CCDC33: variants seen among roughly 807,000 people sequenced by gnomAD.
The protein encoded by CCDC33 is coiled-coil domain containing 33, also known as coiled-coil domain-containing protein 33.
Under a neutral mutation model 91.9 loss-of-function variants are expected in CCDC33, and 94 were observed. The ratio of observed to expected loss-of-function variants is 1.02; its 90% CI spans 0.87 to 1.21. The LOEUF (loss-of-function observed/expected upper bound fraction) is 1.21. CCDC33 is among the 50% of genes most tolerant of loss of function. The probability of loss-of-function intolerance (pLI) is 0.00; values close to 1 mark genes in which losing one functional copy is unlikely to be tolerated. For missense variants in CCDC33, 940 were observed against 935.5 expected (o/e 1.00, Z -0.06); for synonymous variants, 396 against 374.5 (o/e 1.06, Z -0.66).
intron 2 of CCDC33, among the ~76,000 whole-genome samples, chr15:74,261,329 C>T (rs560929216): frequency 9.2e-5 from 14 of 152,254 alleles, no homozygotes; most frequent in South Asian, 6.2e-4. Flanking sequence ...CAGTGAGGGC[C>T]GGGGGACTCC....
At chr15:74,222,851 C>A (rs960494075) in intron 2 of CCDC33, among the ~76,000 whole-genome samples, 1 of 147,404 alleles carries the variant, frequency 6.8e-6, no homozygotes, top group Non-Finnish European at 1.5e-5. Context: ...GAGCTCCAGG[C>A]CGGCGCTCTC....
intron 9 of CCDC33, among the ~76,000 whole-genome samples, chr15:74,281,441 A>G (rs1374991583): frequency 6.6e-6 from 1 of 152,268 alleles, no homozygotes; most frequent in Non-Finnish European, 1.5e-5. Flanking sequence ...TAAGTTCTCA[A>G]CAAGAATGAA....
chr15:74,234,251 C>T (rs1023669156), upstream of CCDC33, among the ~76,000 whole-genome samples: 1 of 152,192 alleles, frequency 6.6e-6, no homozygotes, highest in Non-Finnish European at 1.5e-5. Flanking sequence ...AGTGCTGTCT[C>T]CTGTGGGTAG....
At chr15:74,261,313 A>C (rs936001259) in intron 2 of CCDC33, among the ~76,000 whole-genome samples, 5 of 152,204 alleles carry the variant, frequency 3.3e-5, no homozygotes, top group Non-Finnish European at 7.3e-5. Context: ...TAAAGGGCAG[A>C]GGGAACAGTG....
chr15:74,237,311 C>G (rs2075196040), intron 1 of CCDC33, among the ~76,000 whole-genome samples: 1 of 152,230 alleles, frequency 6.6e-6, no homozygotes, highest in African/African-American at 2.4e-5. Flanking sequence ...CAGCAGGGCT[C>G]TGTCAGGAAG....
intron 6 of CCDC33, 140 bp from the exon 7 acceptor site, chr15:74,272,631 C>T (rs574296039): frequency 1.2e-5 from 13 of 1,044,056 alleles, no homozygotes; most frequent in Middle Eastern, 3.1e-4. Context: ...CCCCACTTGT[C>T]GTGAGGTCCA....
chr15:74,296,764 T>A (rs1195708596), intron 11 of CCDC33, among the ~76,000 whole-genome samples: 4 of 152,218 alleles, frequency 2.6e-5, no homozygotes, highest in Non-Finnish European at 5.9e-5. Context: ...GTGGCCAAAG[T>A]GACATCCTAA....
At chr15:74,289,931 C>G (rs2059554173) in intron 10 of CCDC33, among the ~76,000 whole-genome samples, 1 of 152,198 alleles carries the variant, frequency 6.6e-6, no homozygotes, top group African/African-American at 2.4e-5. Flanking sequence ...ACTCCCTTCC[C>G]TTGCTCTGCT....
intron 7 of CCDC33, among the ~76,000 whole-genome samples, chr15:74,276,094 A>ACTAAGCACTTCCCTGAGCACT (rs2076441998): frequency 6.6e-6 from 1 of 152,164 alleles, no homozygotes; most frequent in Admixed American, 6.5e-5. Context: ...CCCTGAGCCA[A>ACTAAGCACTTCCCTGAGCACT]TCACTAAGGA....
At chr15:74,258,716 G>A (rs866228764) in intron 2 of CCDC33, among the ~76,000 whole-genome samples, 2 of 152,112 alleles carry the variant, frequency 1.3e-5, no homozygotes, top group East Asian at 1.9e-4. Context: ...GGGGGAAAGC[G>A]GCTCATGAGC....
chr15:74,209,102 C>A, intron 1 of CCDC33: 1 of 1,308,100 alleles, frequency 7.6e-7, no homozygotes, highest in Non-Finnish European at 9.7e-7. Flanking sequence ...ACAGACCTCC[C>A]GCCCTTGATT....
intron 7 of CCDC33, among the ~76,000 whole-genome samples, chr15:74,273,695 C>T (rs1029586795): frequency 6.6e-6 from 1 of 151,920 alleles, no homozygotes; most frequent in Non-Finnish European, 1.5e-5. Context: ...TCTCGAACTC[C>T]TGACCTCAGG....
chr15:74,323,962 A>G (rs2060256675), intron 11 of CCDC33, among the ~76,000 whole-genome samples: 1 of 151,652 alleles, frequency 6.6e-6, no homozygotes, highest in Non-Finnish European at 1.5e-5. Flanking sequence ...GCATAGTGGC[A>G]GGCGCCTGTA....
chr15:74,315,092 A>G (rs900800), intron 11 of CCDC33, among the ~76,000 whole-genome samples: 86,685 of 152,120 alleles, frequency 0.57, 25,919 homozygotes, highest in Non-Finnish European at 0.67. Flanking sequence ...AGCAGGGGTA[A>G]GGGGAGCAGA....
Position 74,331,187 on chromosome 15 carries a change from C to T in CCDC33, c.1678-16C>T. The stretch of plus-strand genomic sequence containing the variant: ...GGGAGCCCCTGGGCCAGCCCAGCCT[C>T]TGCTCTGCTCTCCAGGTGATCGAGA... On this transcript the variant is annotated splice_polypyrimidine_tract_variant and intron_variant, in intron 14 of 18. Transcript: ENST00000398814. The T allele has an allele frequency of 6.2e-7, 1 of 1,614,158 alleles. No individual in the cohort carries two copies. The highest frequency in any genetic ancestry group is 8.5e-7 in the Non-Finnish European group (1 of 1,179,986).
At chr15:74,318,437 A>C in intron 11 of CCDC33, 122 of 491,158 alleles carry the variant, frequency 2.5e-4, no homozygotes, top group East Asian at 3.6e-4. Flanking sequence ...CAGCCACCCC[A>C]CCCAGACACC....
At chr15:74,208,411 T>G (rs2074311002) in intron 1 of CCDC33, among the ~76,000 whole-genome samples, 1 of 152,128 alleles carries the variant, frequency 6.6e-6, no homozygotes, top group South Asian at 2.1e-4. Context: ...GGCCTTGAGA[T>G]GTAGGCTTTG....
At chr15:74,335,257 G>A (rs1021571845) in intron 18 of CCDC33, 169 bp downstream of exon 18, 9 of 725,884 alleles carry the variant, frequency 1.2e-5, no homozygotes, top group Non-Finnish European at 1.8e-5. Flanking sequence ...CCGAAGGCTC[G>A]GTCTTAATTC....
chr15:74,261,949 A>G (rs1595971361), intron 2 of CCDC33, among the ~76,000 whole-genome samples: 1 of 152,218 alleles, frequency 6.6e-6, no homozygotes, highest in East Asian at 1.9e-4. Flanking sequence ...TAGAACTGGG[A>G]TTGCCGGGTG....
Sources: allele counts gnomAD v4.1 joint callset (sites outside exome capture counted in the v4.1 genomes callset), GRCh38; gene constraint gnomAD v4.1.1; transcripts MANE v1.5; gene names NCBI Gene and HGNC (gene_info 2026-07-23, HGNC 2026-07-21).